GALNT3: variants seen among roughly 807,000 people sequenced by gnomAD.
GALNT3 encodes polypeptide N-acetylgalactosaminyltransferase 3, also known as GalNAc transferase 3.
A neutral mutation model predicts 69.8 loss-of-function variants in GALNT3; 51 were observed. The ratio of observed to expected loss-of-function variants is 0.73; its 90% CI spans 0.58 to 0.92. The LOEUF (loss-of-function observed/expected upper bound fraction) is 0.92. Ranked by LOEUF, GALNT3 falls within the 40% of genes least tolerant of loss-of-function variation. GALNT3 has a pLI of 0.00. For synonymous variants in GALNT3, 265 were observed against 248.5 expected (o/e 1.07, Z -0.63); for missense variants, 711 against 760.0 (o/e 0.94, Z 0.76).
At chr2:165,751,728 G>C (rs907337708) in intron 9 of GALNT3, among the ~76,000 whole-genome samples, 14 of 152,014 alleles carry the variant, frequency 9.2e-5, no homozygotes, top group Non-Finnish European at 1.6e-4. Flanking sequence ...ATATTGGCCA[G>C]CTTAGTCACA....
At chr2:165,779,013 C>T (rs1388364069) in intron 1 of GALNT3, among the ~76,000 whole-genome samples, 13 of 152,122 alleles carry the variant, frequency 8.5e-5, no homozygotes, top group Admixed American at 7.9e-4. Flanking sequence ...GTGTCTGTGT[C>T]TCAAGGGTAC....
Position 165,770,237 on chromosome 2 carries a change from C to T in GALNT3, c.464G>A (p.Ser155Asn). 1.9e-6 allele frequency: 3 copies of T among 1,614,066 alleles called. No individual in the cohort carries two copies. Among genetic ancestry groups the T allele is most frequent in the Non-Finnish European group, 2.5e-6 (3 of 1,180,016 alleles). ...EAKHCFNAFA[S>N]DRISLHRDLG... ...ATCTCGGTGCAAAGAAATCCTGTCA[C>T]TTGCGAAAGCATTAAAGCAGTGTTT... The change falls in exon 2 of 11, where the codon AGT (serine) becomes AAT (asparagine). Residue 155 changes from serine (S) to asparagine (N), a missense_variant. Physicochemically the swap from Ser to Asn is conservative, Grantham distance 46. Transcript: ENST00000392701.
chr2:165,751,077 A>G (rs1688349991), intron 9 of GALNT3, among the ~76,000 whole-genome samples: 1 of 152,154 alleles, frequency 6.6e-6, no homozygotes, highest in South Asian at 2.1e-4. Flanking sequence ...TGGCTTCCCC[A>G]TAGACTGAAG....
intron 9 of GALNT3, among the ~76,000 whole-genome samples, chr2:165,752,923 C>A (rs1688379310): frequency 6.6e-6 from 1 of 152,152 alleles, no homozygotes; most frequent in South Asian, 2.1e-4. Context: ...CATATATGTA[C>A]AGATATATAT....
intron 2 of GALNT3, among the ~76,000 whole-genome samples, chr2:165,768,520 T>A (rs1465140087): frequency 8.5e-5 from 13 of 152,232 alleles, no homozygotes; most frequent in Non-Finnish European, 1.9e-4. Context: ...AGATATTAGT[T>A]TCTTTACACA....
chr2:165,759,352 C>T lies in GALNT3; in HGVS notation c.1057G>A (p.Glu353Lys). 6.2e-7 allele frequency: 1 copy of T among 1,610,682 alleles called. No individual in the cohort carries two copies. The highest frequency in any genetic ancestry group is 1.1e-5 in the South Asian group (1 of 90,910). ...TCATCTTACTTAATTGGGTAGGTTT[C>T]ATCTTTCCTTCTTTGCTTCTCATGA... ...PDHEKQRRKD[E>K]TYPIKTPTFA... Residue 353 changes from glutamate to lysine, a missense_variant, in exon 5 of 11, where the codon GAA becomes AAA. Physicochemically the swap from Glu to Lys is moderately conservative, Grantham distance 56. Coordinates refer to ENST00000392701, the MANE Select transcript of GALNT3 (RefSeq NM_004482.4).
intron 1 of GALNT3, among the ~76,000 whole-genome samples, chr2:165,773,760 A>G (rs1688796063): frequency 6.6e-6 from 1 of 151,954 alleles, no homozygotes; most frequent in African/African-American, 2.4e-5. Flanking sequence ...GACTGACTGG[A>G]AAGTCCAATT....
chr2:165,758,747 T>G lies in GALNT3; in HGVS notation c.1191A>C (p.Arg397Ser). Residue 397 changes from arginine (R) to serine (S), a missense_variant and splice_region_variant, in exon 6 of 11, where the codon AGA becomes AGC. Coordinates refer to ENST00000392701, the MANE Select transcript of GALNT3 (RefSeq NM_004482.4). ...WGGENIEMSF[R>S]VWQCGGQLEI... The stretch of plus-strand genomic sequence containing the variant: ...CTATATTTAATTTCCATAAACTTAC[T>G]CTGAAAGACATTTCTATATTTTCAC... The G allele has an allele frequency of 8.0e-6, 12 of 1,506,452 alleles. No homozygotes were observed. The highest frequency in any genetic ancestry group is 1.0e-5 in the Non-Finnish European group (11 of 1,082,232). The allele number at this position is 1,506,452 out of a possible 1,614,324, so 93.3% of individuals were successfully genotyped here. A position where few individuals can be genotyped will look rare whatever the true frequency, so the allele number is the denominator to read the frequency against.
chr2:165,764,665 G>A (rs1457503256), intron 3 of GALNT3, among the ~76,000 whole-genome samples: 3 of 152,138 alleles, frequency 2.0e-5, no homozygotes, highest in Non-Finnish European at 4.4e-5. Context: ...TCACATTGAG[G>A]ACTACATAGT....
chr2:165,789,956 A>G (rs1042450168), intron 1 of GALNT3, among the ~76,000 whole-genome samples: 8 of 152,166 alleles, frequency 5.3e-5, no homozygotes, highest in Non-Finnish European at 8.8e-5. Context: ...CTTTGTTTTC[A>G]GAGGATGATT....
Position 165,748,036 on chromosome 2 carries a change from C to T in GALNT3, c.*745G>A, listed in dbSNP as rs530688611. 1 of 179,158 alleles carries T rather than the reference C, an allele frequency of 5.6e-6. No individual in the cohort carries two copies. Among genetic ancestry groups the T allele is most frequent in the Admixed American group, 6.3e-5 (1 of 15,890 alleles). The allele number at this position is 179,158 out of a possible 1,614,324, so 11.1% of individuals were successfully genotyped here. On this transcript the variant is annotated 3_prime_UTR_variant, in exon 11 of 11. Coordinates refer to ENST00000392701, the MANE Select transcript of GALNT3 (RefSeq NM_004482.4). ...AATACTAGAAGAAAGGAAAAGGACA[C>T]CTTTTCAACAGATAGTAATTTATAA...
At chr2:165,765,742 C>T (rs1366748805) in intron 2 of GALNT3, among the ~76,000 whole-genome samples, 3 of 152,100 alleles carry the variant, frequency 2.0e-5, no homozygotes, top group African/African-American at 7.2e-5. Context: ...CCCGCCTAGG[C>T]CTCCCAAAGT....
chr2:165,757,271 A>T, intron 6 of GALNT3, 24 bp from the exon 7 acceptor site: 1 of 1,605,974 alleles, frequency 6.2e-7, no homozygotes, highest in Admixed American at 1.7e-5. Context: ...ATATTTGTTT[A>T]AATTTACAGT....
At chr2:165,754,870 A>G in intron 8 of GALNT3, 62 bp downstream of exon 8, 1 of 1,563,514 alleles carries the variant, frequency 6.4e-7, no homozygotes, top group Non-Finnish European at 8.8e-7. Context: ...ATTTTCTTAG[A>G]ACCACATAAA....
intron 9 of GALNT3, among the ~76,000 whole-genome samples, chr2:165,751,354 T>C (rs1178316073): frequency 6.6e-6 from 1 of 152,114 alleles, no homozygotes; most frequent in Admixed American, 6.6e-5. Context: ...ATGCTTAATT[T>C]ATCTCCGCCC....
chr2:165,759,498 G>C lies in GALNT3; in HGVS notation c.911C>G (p.Pro304Arg). The change falls in exon 5 of 11, where the codon CCA becomes CGA. Residue 304 changes from proline (P) to arginine (R), a missense_variant. Transcript: ENST00000392701. The part of the protein sequence containing the change: ...IAENYTAVVS[P>R]DIASIDLNTF... The stretch of plus-strand genomic sequence containing the variant: ...GTTCAGATCTATGGATGCAATATCT[G>C]GACTTACGACAGCCGTGTAGTTCTC... 6.2e-7 allele frequency: 1 copy of C among 1,614,044 alleles called. No individual in the cohort carries two copies. The highest frequency in any genetic ancestry group is 8.5e-7 in the Non-Finnish European group (1 of 1,180,008).
At chr2:165,774,697 G>A (rs1688813737) in intron 1 of GALNT3, among the ~76,000 whole-genome samples, 1 of 151,976 alleles carries the variant, frequency 6.6e-6, no homozygotes, top group African/African-American at 2.4e-5. Context: ...TGTTTTTCTG[G>A]CCCTTACCAC....
At chr2:165,759,273 T>G in intron 5 of GALNT3, 63 bp downstream of exon 5, 1 of 1,265,584 alleles carries the variant, frequency 7.9e-7, no homozygotes, top group Admixed American at 1.9e-5. Context: ...AAGCAAACAG[T>G]GTGTACATAT....
intron 3 of GALNT3, among the ~76,000 whole-genome samples, chr2:165,762,917 C>G (rs1483935543): frequency 6.6e-6 from 1 of 151,964 alleles, no homozygotes; most frequent in Non-Finnish European, 1.5e-5. Flanking sequence ...TCCCAAGTAG[C>G]TGGGACCACA....
Sources: allele counts gnomAD v4.1 joint callset (sites outside exome capture counted in the v4.1 genomes callset), GRCh38; gene constraint gnomAD v4.1.1; transcripts MANE v1.5; gene names NCBI Gene and HGNC (gene_info 2026-07-23, HGNC 2026-07-21).